ANK2: variants seen among roughly 807,000 people sequenced by gnomAD.
ANK2 encodes ankyrin-2.
ANK2 carries 83 observed loss-of-function variants against 360.5 expected under a neutral mutation model. The ratio of observed to expected loss-of-function variants is 0.23; its 90% CI spans 0.19 to 0.28. ANK2 has a LOEUF of 0.28. Ranked by LOEUF, ANK2 falls within the 10% of genes least tolerant of loss-of-function variation. ANK2 has a pLI of 1.00. For missense variants in ANK2, 4,201 were observed against 4,795.7 expected, an observed-to-expected ratio of 0.88 and a Z score of 3.66; for synonymous variants, 1,740 against 1,759.5, an observed-to-expected ratio of 0.99 and a Z score of 0.28.
chr4:113,033,521 T>C (rs531431189), intron 2 of ANK2, among the ~76,000 whole-genome samples: 1 of 152,128 alleles, frequency 6.6e-6, no homozygotes, highest in East Asian at 1.9e-4. Context: ...GTTAGTGTTA[T>C]TGTCACATGC....
At chr4:112,779,443 C>T in the ANK2 span, among the ~76,000 whole-genome samples, 1 of 152,100 alleles carries the variant, frequency 6.6e-6, no homozygotes, top group South Asian at 2.1e-4. Flanking sequence ...GGCGTGAACC[C>T]GGGAGACGGA....
At chr4:113,143,215 G>T (rs923499951) in intron 1 of ANK2, among the ~76,000 whole-genome samples, 1 of 44,056 alleles carries the variant, frequency 2.3e-5, no homozygotes, top group Non-Finnish European at 4.6e-5. Context: ...TATTCAAAAA[G>T]ATATTAACAC....
At chr4:113,144,419 TA>T (rs1408189813) in intron 1 of ANK2, among the ~76,000 whole-genome samples, 5 of 151,538 alleles carry the variant, frequency 3.3e-5, no homozygotes, top group African/African-American at 1.2e-4. Flanking sequence ...TTAATTTTTT[TA>T]AAAAAAATAA....
intron 2 of ANK2, among the ~76,000 whole-genome samples, chr4:112,972,595 A>G (rs565757624): frequency 6.6e-6 from 1 of 152,268 alleles, no homozygotes; most frequent in South Asian, 2.1e-4. Flanking sequence ...GCCCACGTAC[A>G]CGGGACGTTA....
At chr4:113,270,283 T>G (rs1439384650) in intron 14 of ANK2, among the ~76,000 whole-genome samples, 1 of 152,166 alleles carries the variant, frequency 6.6e-6, no homozygotes, top group Non-Finnish European at 1.5e-5. Context: ...TAATGGAAAT[T>G]TATTCATTTT....
At chr4:112,850,877 A>G (rs554811209) in intron 1 of ANK2, among the ~76,000 whole-genome samples, 1 of 151,830 alleles carries the variant, frequency 6.6e-6, no homozygotes, top group Admixed American at 6.6e-5. Flanking sequence ...TTCTTTGATC[A>G]TTTATCTCTC....
intron 1 of ANK2, among the ~76,000 whole-genome samples, chr4:112,869,849 A>AT (rs2072207847): frequency 6.6e-6 from 1 of 151,752 alleles, no homozygotes; most frequent in South Asian, 2.1e-4. Flanking sequence ...TGCCTGGCTA[A>AT]TTTTTGTATT....
intron 1 of ANK2, among the ~76,000 whole-genome samples, chr4:113,071,150 C>T (rs1370067213): frequency 6.6e-6 from 1 of 152,176 alleles, no homozygotes; most frequent in Non-Finnish European, 1.5e-5. Flanking sequence ...ATAGACTGCA[C>T]ATGATTTAAT....
the ANK2 span, among the ~76,000 whole-genome samples, chr4:112,801,860 G>T: frequency 6.6e-6 from 1 of 152,128 alleles, no homozygotes; most frequent in Non-Finnish European, 1.5e-5. Flanking sequence ...TTGAAGAAAG[G>T]TGTATCATAA....
At chr4:113,137,094 A>G (rs1341292046) in intron 1 of ANK2, among the ~76,000 whole-genome samples, 1 of 152,080 alleles carries the variant, frequency 6.6e-6, no homozygotes, top group Non-Finnish European at 1.5e-5. Context: ...TTGGCCCCCC[A>G]AAGTGCTGGG....
intron 2 of ANK2, among the ~76,000 whole-genome samples, chr4:112,990,747 C>T (rs2046461170): frequency 6.6e-6 from 1 of 152,178 alleles, no homozygotes; most frequent in Admixed American, 6.5e-5. Flanking sequence ...CCAGGATTCT[C>T]CTTTTCCCTC....
At chr4:112,871,441 C>G (rs1240345115) in intron 1 of ANK2, among the ~76,000 whole-genome samples, 2 of 152,194 alleles carry the variant, frequency 1.3e-5, no homozygotes, top group East Asian at 3.8e-4. Flanking sequence ...CCTGCCTTGG[C>G]CTCCCAAAGT....
In ANK2 at chr4:112,844,853, A is replaced by G. The variant is rs577897281; in HGVS notation, c.-40+26589A>G. Among the ~76,000 whole-genome samples the G allele has an allele frequency of 2.6e-5, 4 of 152,304 alleles. No individual in the cohort carries two copies. The South Asian group carries it at 8.3e-4, about 32-fold the overall frequency. On this transcript the variant is annotated intron_variant, in intron 1 of 30. Coordinates refer to the ANK2 transcript ENST00000503271. ...ATTAAGATGTCAGTTGCTCACATGA[A>G]TCATAGCTATTCCTAGAACCAGAAT...
chr4:113,070,074 A>G (rs1207284956), intron 1 of ANK2: 1 of 152,212 alleles, frequency 6.6e-6, no homozygotes, highest in African/African-American at 2.4e-5. Context: ...TGAAGTCTTT[A>G]TACCACTTGC....
At chr4:112,775,664 C>T in the ANK2 span, among the ~76,000 whole-genome samples, 5 of 152,058 alleles carry the variant, frequency 3.3e-5, no homozygotes, top group East Asian at 3.8e-4. Flanking sequence ...AGGTTGCTCA[C>T]GGCTTTTGTA....
intron 2 of ANK2, among the ~76,000 whole-genome samples, chr4:112,989,275 A>C (rs1334252990): frequency 6.6e-6 from 1 of 152,186 alleles, no homozygotes; most frequent in East Asian, 1.9e-4. Flanking sequence ...CTTCAATAGG[A>C]CAATTTAATA....
the ANK2 span, among the ~76,000 whole-genome samples, chr4:112,748,204 A>G: frequency 6.6e-6 from 1 of 152,202 alleles, no homozygotes; most frequent in Non-Finnish European, 1.5e-5. Flanking sequence ...CTGGAACTGA[A>G]CACCACCAAA....
At chr4:112,940,716 A>C (rs1362880999) in intron 2 of ANK2, among the ~76,000 whole-genome samples, 1 of 152,180 alleles carries the variant, frequency 6.6e-6, no homozygotes, top group Admixed American at 6.6e-5. Flanking sequence ...TTAAACAAAA[A>C]GACCCAAAGT....
chr4:112,755,057 A>T, the ANK2 span, among the ~76,000 whole-genome samples: 1 of 152,210 alleles, frequency 6.6e-6, no homozygotes, highest in African/African-American at 2.4e-5. Context: ...TTAAAGTCTG[A>T]TAGTGGACCA....
Sources: allele counts gnomAD v4.1 joint callset (sites outside exome capture counted in the v4.1 genomes callset), GRCh38; gene constraint gnomAD v4.1.1; transcripts MANE v1.5; gene names NCBI Gene and HGNC (gene_info 2026-07-23, HGNC 2026-07-21).